The following CNOT2 variants were observed in gnomAD, a reference collection of about 807,000 sequenced individuals.
The protein encoded by CNOT2 is CC chemokine receptor 4-negative regulator of transcription 2.
Under a neutral mutation model 72.1 loss-of-function variants are expected in CNOT2, and 7 were observed. The observed-to-expected ratio is 0.10, with a 90% CI of 0.06 to 0.18. CNOT2 has a LOEUF of 0.18. Among genes scored for constraint, CNOT2 ranks in the 10% least tolerant of loss-of-function variants. The pLI, the probability that CNOT2 is intolerant of heterozygous loss-of-function variation, is 1.00. For missense variants in CNOT2, 345 were observed against 660.3 expected (o/e 0.52, Z 5.23); for synonymous variants, 196 against 225.6 (o/e 0.87, Z 1.17).
intron 15 of CNOT2, chr12:70,348,181 C>CTATTGTTTT (rs1882439846): frequency 6.6e-6 from 1 of 152,166 alleles, no homozygotes; most frequent in Admixed American, 6.5e-5. Flanking sequence ...TAGTTTACTG[C>CTATTGTTTT]TATTGTTTTT....
intron 1 of CNOT2, among the ~76,000 whole-genome samples, chr12:70,262,455 T>C (rs765007983): frequency 6.6e-6 from 1 of 152,000 alleles, no homozygotes; most frequent in Non-Finnish European, 1.5e-5. Flanking sequence ...TTTGTATTTT[T>C]TAGTGGAGAC....
At chr12:70,349,754 CT>C (rs1882639306) in intron 15 of CNOT2, among the ~76,000 whole-genome samples, 1 of 152,084 alleles carries the variant, frequency 6.6e-6, no homozygotes, top group African/African-American at 2.4e-5. Flanking sequence ...AATCCTAACA[CT>C]TTGGGAGAAT....
At chr12:70,245,914 GA>G (rs2135679492) in intron 1 of CNOT2, among the ~76,000 whole-genome samples, 1 of 152,246 alleles carries the variant, frequency 6.6e-6, no homozygotes, top group Admixed American at 6.5e-5. Context: ...TCAGGTGTAT[GA>G]ATAGATTTTA....
At chr12:70,251,121 A>C (rs1958122661) in intron 1 of CNOT2, among the ~76,000 whole-genome samples, 1 of 152,236 alleles carries the variant, frequency 6.6e-6, no homozygotes, top group Admixed American at 6.5e-5. Flanking sequence ...CTTAGAAATT[A>C]GTAATAAGTT....
intron 1 of CNOT2, among the ~76,000 whole-genome samples, chr12:70,254,138 G>A (rs1565728671): frequency 2.0e-5 from 3 of 151,476 alleles, no homozygotes; most frequent in Admixed American, 6.6e-5. Context: ...CTCAGGAGGC[G>A]GAGGCAGGAG....
intron 1 of CNOT2, among the ~76,000 whole-genome samples, chr12:70,268,370 A>T (rs184885658): frequency 6.6e-6 from 1 of 152,224 alleles, no homozygotes; most frequent in East Asian, 1.9e-4. Context: ...TGACATTGAT[A>T]CCCACTGCCA....
chr12:70,279,753 T>A lies in CNOT2; in HGVS notation c.48+1479T>A, dbSNP rs542600981. 1.4e-4 allele frequency among the ~76,000 whole-genome samples: 22 copies of A among 152,372 alleles called. No individual in the cohort carries two copies. The East Asian group carries it at 2.3e-3, about 16-fold the overall frequency. ...TTTTTATGTGATTACACACTATAGT[T>A]AATTTGTCTCATGGAACCACATTAA... On this transcript the variant is annotated intron_variant, in intron 2 of 15. Transcript: ENST00000229195.
intron 1 of CNOT2, among the ~76,000 whole-genome samples, chr12:70,260,597 G>A (rs1050323134): frequency 4.0e-5 from 6 of 151,092 alleles, no homozygotes; most frequent in Non-Finnish European, 8.8e-5. Context: ...GTCTCCTGTT[G>A]ACTTATCTTG....
At chr12:70,352,363 A>G (rs1289220911) in intron 15 of CNOT2, among the ~76,000 whole-genome samples, 1 of 152,190 alleles carries the variant, frequency 6.6e-6, no homozygotes, top group Non-Finnish European at 1.5e-5. Context: ...AATTAGCTGT[A>G]TCTCTAATTT....
chr12:70,251,522 A>T (rs1418940413), intron 1 of CNOT2, among the ~76,000 whole-genome samples: 1 of 152,090 alleles, frequency 6.6e-6, no homozygotes, highest in Non-Finnish European at 1.5e-5. Context: ...TTATGTGATG[A>T]GGGAACCATT....
chr12:70,310,841 A>T, intron 2 of CNOT2, 54 bp from the exon 3 acceptor site: 6 of 1,535,200 alleles, frequency 3.9e-6, no homozygotes, highest in Non-Finnish European at 5.4e-6. Context: ...GAGTAAGGTA[A>T]CACTGAACAT....
chr12:70,299,213 A>AT (rs544115723), intron 2 of CNOT2, among the ~76,000 whole-genome samples: 42 of 149,966 alleles, frequency 2.8e-4, no homozygotes, highest in East Asian at 7.8e-4. Context: ...CATGAGACTT[A>AT]TTTTTTTTTT....
intron 2 of CNOT2, among the ~76,000 whole-genome samples, chr12:70,282,616 A>G (rs1378257603): frequency 6.6e-6 from 1 of 151,552 alleles, no homozygotes; most frequent in Non-Finnish European, 1.5e-5. Flanking sequence ...GATGTGATTC[A>G]TTGTCTTTGT....
rs1972792 is a variant in CNOT2, at chr12:70,285,496, G to T, written c.48+7222G>T. Reference sequence around the variant, plus strand: ...CTCCCAAAGTGCTTGGATTACAGGCGTGAGCCACCGCACCTGGCCGCAAAG... The same window carrying T: ...CTCCCAAAGTGCTTGGATTACAGGCTTGAGCCACCGCACCTGGCCGCAAAG... On this transcript the variant is annotated intron_variant, in intron 2 of 15. Coordinates refer to ENST00000229195, the MANE Select transcript of CNOT2 (RefSeq NM_014515.7). 2.6e-5 allele frequency: 4 copies of T among 152,028 alleles called. No homozygotes were observed. The East Asian group carries it at 5.8e-4, about 22-fold the overall frequency. The allele number at this position is 152,028 out of a possible 1,614,324, so 9.4% of individuals were successfully genotyped here.
intron 1 of CNOT2, among the ~76,000 whole-genome samples, chr12:70,261,767 G>A (rs896146333): frequency 2.6e-5 from 4 of 151,940 alleles, no homozygotes; most frequent in African/African-American, 9.6e-5. Flanking sequence ...AGAAGAGTTT[G>A]TGAAGAATTG....
chr12:70,330,289 G>T lies in CNOT2; in HGVS notation c.389G>T (p.Gly130Val). Residue 130 changes from glycine (G) to valine (V), a missense_variant and splice_region_variant, in exon 6 of 16, where the codon GGT (glycine) becomes GTT (valine). Physicochemically the swap from Gly to Val is moderately radical, Grantham distance 109. This residue lies in a region of CNOT2 where 157 missense variants were observed against 235.3 expected (regional missense o/e 0.67). Coordinates refer to ENST00000229195, the MANE Select transcript of CNOT2 (RefSeq NM_014515.7). ...AGTATAATGGACTTCTTTTTCAGGG[G>T]TATTTTGCCTATGAATCCTAGGAAT... ...SLHTPPSPSR[G>V]ILPMNPRNMM... 6.4e-7 allele frequency: 1 copy of T among 1,555,918 alleles called. No individual in the cohort carries two copies. The highest frequency in any genetic ancestry group is 8.8e-7 in the Non-Finnish European group (1 of 1,133,540).
Position 70,329,406 on chromosome 12 carries a change from C to T in CNOT2, c.239-17C>T. On this transcript the variant is annotated splice_polypyrimidine_tract_variant and intron_variant, in intron 4 of 15. Coordinates refer to ENST00000229195, the MANE Select transcript of CNOT2 (RefSeq NM_014515.7). ...CCTGATGGCAATGAATTTCCTTCTT[C>T]TGAATTTTTTTATTAGGTGCACTAG... 6.2e-7 allele frequency: 1 copy of T among 1,600,404 alleles called. No homozygotes were observed. The highest frequency in any genetic ancestry group is 8.6e-7 in the Non-Finnish European group (1 of 1,169,036).
chr12:70,353,259 G>A (rs1883095854), intron 15 of CNOT2, among the ~76,000 whole-genome samples: 1 of 152,006 alleles, frequency 6.6e-6, no homozygotes, highest in African/African-American at 2.4e-5. Context: ...TTTTAGTACA[G>A]ACGGGGTTTC....
chr12:70,244,873 T>A (rs1396474746), intron 1 of CNOT2, among the ~76,000 whole-genome samples: 2 of 152,214 alleles, frequency 1.3e-5, no homozygotes, highest in African/African-American at 4.8e-5. Flanking sequence ...TAGGAATTTT[T>A]AGAGCTCGGA....
Sources: gnomAD v4.1 joint callset for allele counts (sites outside exome capture counted in the v4.1 genomes callset) on GRCh38, gnomAD v4.1.1 for gene constraint, gnomAD v4.1.1 regional missense constraint, MANE v1.5 for transcripts, NCBI Gene and HGNC (gene_info 2026-07-23, HGNC 2026-07-21) for gene names.